Variants in CADM2 observed in about 807,000 individuals in gnomAD.
CADM2 encodes the protein immunoglobulin superfamily member 4D.
CADM2 carries 12 observed loss-of-function variants against 49.8 expected under a neutral mutation model. The ratio of observed to expected loss-of-function variants is 0.24; its 90% CI spans 0.15 to 0.39. The LOEUF (loss-of-function observed/expected upper bound fraction) is 0.39. Ranked by LOEUF, CADM2 falls within the 10% of genes least tolerant of loss-of-function variation. The pLI is 1.00. For missense variants in CADM2, 378 were observed against 492.3 expected (o/e 0.77, Z 2.20); for synonymous variants, 214 against 175.4 (o/e 1.22, Z -1.74).
chr3:85,389,801 C>A (rs1355018453), intron 1 of CADM2, among the ~76,000 whole-genome samples: 2 of 152,044 alleles, frequency 1.3e-5, no homozygotes, highest in African/African-American at 2.4e-5. Flanking sequence ...AATTTCAAGG[C>A]CAGGTATGCA....
At chr3:85,316,642 T>A (rs2044471981) in intron 1 of CADM2, among the ~76,000 whole-genome samples, 1 of 152,186 alleles carries the variant, frequency 6.6e-6, no homozygotes, top group South Asian at 2.1e-4. Context: ...CCTTGTAATT[T>A]AATTAATTTA....
intron 1 of CADM2, among the ~76,000 whole-genome samples, chr3:85,616,310 A>G (rs2063798855): frequency 6.6e-6 from 1 of 152,062 alleles, no homozygotes; most frequent in African/African-American, 2.4e-5. Flanking sequence ...TCAAAGCACA[A>G]TATTAAGTAT....
At chr3:85,754,935 A>C (rs999232791) in intron 2 of CADM2, among the ~76,000 whole-genome samples, 3 of 152,232 alleles carry the variant, frequency 2.0e-5, no homozygotes, top group African/African-American at 7.2e-5. Flanking sequence ...TTAGAAGGTA[A>C]AACGTATTGA....
chr3:85,922,571 T>C (rs2108506887), intron 6 of CADM2, among the ~76,000 whole-genome samples: 1 of 152,090 alleles, frequency 6.6e-6, no homozygotes, highest in East Asian at 1.9e-4. Flanking sequence ...ATAATTGGCA[T>C]GCATGATCCT....
chr3:85,551,445 A>G (rs2107117848), intron 1 of CADM2, among the ~76,000 whole-genome samples: 1 of 152,216 alleles, frequency 6.6e-6, no homozygotes, highest in East Asian at 1.9e-4. Context: ...TGTGAGCTTC[A>G]TTTAGTCAGG....
chr3:85,967,981 A>C (rs376320819), intron 8 of CADM2, among the ~76,000 whole-genome samples: 5 of 151,554 alleles, frequency 3.3e-5, no homozygotes, highest in Non-Finnish European at 7.4e-5. Flanking sequence ...CGTAATGAGC[A>C]TTTTTCCTTT....
At chr3:85,154,319 A>T (rs1272267701) in intron 1 of CADM2, among the ~76,000 whole-genome samples, 1 of 152,224 alleles carries the variant, frequency 6.6e-6, no homozygotes, top group Admixed American at 6.5e-5. Flanking sequence ...TCATGCGATC[A>T]ACTGGAAGAA....
At chr3:85,666,435 C>A (rs977409420) in intron 1 of CADM2, among the ~76,000 whole-genome samples, 1 of 151,858 alleles carries the variant, frequency 6.6e-6, no homozygotes, top group Non-Finnish European at 1.5e-5. Context: ...AAAGTCATAT[C>A]TTTTCCTCAC....
chr3:85,705,744 T>G (rs992773464), intron 1 of CADM2, among the ~76,000 whole-genome samples: 1 of 152,202 alleles, frequency 6.6e-6, no homozygotes, highest in African/African-American at 2.4e-5. Flanking sequence ...AGAAGTCCAG[T>G]GGTGACACAC....
At chr3:85,007,014 T>C (rs2033765500) in intron 1 of CADM2, among the ~76,000 whole-genome samples, 1 of 152,154 alleles carries the variant, frequency 6.6e-6, no homozygotes, top group African/African-American at 2.4e-5. Context: ...ATCAAATTAA[T>C]TCTTACTATA....
intron 1 of CADM2, among the ~76,000 whole-genome samples, chr3:85,295,952 A>AG (rs1316261313): frequency 1.7e-4 from 26 of 151,876 alleles, no homozygotes; most frequent in Non-Finnish European, 2.4e-4. Context: ...AAGAAGAAGA[A>AG]AAAAAAAGTA....
chr3:86,008,829 C>T (rs532657856), intron 8 of CADM2, among the ~76,000 whole-genome samples: 43 of 147,464 alleles, frequency 2.9e-4, no homozygotes, highest in African/African-American at 6.3e-4. Flanking sequence ...TTAATTTTGA[C>T]GATTTTTTCC....
rs2034636751 is a variant in CADM2 at position 85,393,842 on chromosome 3, A to G, written c.62-332680A>G. ...AAACTTTGTCTTAAAGAAGTGAAAT[A>G]TATTATGAGGCTTCTTAAATTTGGC... is the stretch of plus-strand genomic sequence containing the variant. On this transcript the variant is annotated intron_variant, in intron 1 of 9. Transcript: ENST00000383699. 2.6e-5 allele frequency among the ~76,000 whole-genome samples: 4 copies of G among 152,146 alleles called. No individual in the cohort carries two copies. The South Asian group carries it at 8.3e-4, about 32-fold the overall frequency.
intron 1 of CADM2, among the ~76,000 whole-genome samples, chr3:85,226,154 T>G (rs2042155517): frequency 1.3e-5 from 2 of 152,156 alleles, no homozygotes; most frequent in African/African-American, 4.8e-5. Flanking sequence ...GGAGAATTCC[T>G]TCTTTTTCTG....
chr3:86,037,440 A>AGG (rs372894073), intron 8 of CADM2, among the ~76,000 whole-genome samples: 1 of 151,970 alleles, frequency 6.6e-6, no homozygotes, highest in African/African-American at 2.4e-5. Context: ...ACTTTAAGAG[A>AGG]GGGGGGCAGG....
chr3:85,227,552 T>G (rs1029034003), intron 1 of CADM2, among the ~76,000 whole-genome samples: 1 of 151,728 alleles, frequency 6.6e-6, no homozygotes, highest in Admixed American at 6.6e-5. Context: ...ATGAGTCTCC[T>G]GAATACAGCA....
At chr3:85,385,828 C>G (rs1289841598) in intron 1 of CADM2, 1 of 126,426 alleles carries the variant, frequency 7.9e-6, no homozygotes, top group Non-Finnish European at 1.6e-5. Context: ...AAACTAGATG[C>G]CTTAAGATTG....
intron 1 of CADM2, among the ~76,000 whole-genome samples, chr3:85,441,499 C>T (rs2037199823): frequency 6.6e-6 from 1 of 151,906 alleles, no homozygotes; most frequent in Non-Finnish European, 1.5e-5. Context: ...ATATAATCTA[C>T]CATATTTAAT....
chr3:86,034,220 TTTC>T, intron 8 of CADM2, among the ~76,000 whole-genome samples: 2 of 151,994 alleles, frequency 1.3e-5, no homozygotes, highest in Admixed American at 1.3e-4. Flanking sequence ...AATTTAGTCA[TTTC>T]AATGAGGCTC....
Sources: gnomAD v4.1 joint callset for allele counts (sites outside exome capture counted in the v4.1 genomes callset) on GRCh38, gnomAD v4.1.1 for gene constraint, MANE v1.5 for transcripts, NCBI Gene and HGNC (gene_info 2026-07-23, HGNC 2026-07-21) for gene names.